ST3GAL1: variants seen among roughly 807,000 people sequenced by gnomAD.
ST3GAL1 encodes the protein CMP-N-acetylneuraminate-beta-galactosamide-alpha-2,3-sialyltransferase 1.
In ST3GAL1, 16 loss-of-function variants were observed where a neutral mutation model predicts 34.1. That is an observed-to-expected ratio of 0.47 (90% CI 0.32 to 0.71). The LOEUF (loss-of-function observed/expected upper bound fraction) is 0.71. ST3GAL1 is among the 30% of genes least tolerant of loss of function. The pLI is 0.04. For synonymous variants in ST3GAL1, 191 were observed against 184.7 expected (o/e 1.03, Z -0.28); for missense variants, 353 against 447.4 (o/e 0.79, Z 1.90).
At chr8:133,486,519 G>C (rs142452481) in intron 3 of ST3GAL1, among the ~76,000 whole-genome samples, 189 of 152,358 alleles carry the variant, frequency 1.2e-3, no homozygotes, top group African/African-American at 4.3e-3. Flanking sequence ...CAGCCGTGAG[G>C]GGAGCCAGAC....
At chr8:133,487,986 A>C (rs1586609285) in intron 3 of ST3GAL1, 1 of 147,654 alleles carries the variant, frequency 6.8e-6, no homozygotes, top group Admixed American at 6.7e-5. Context: ...AAAAGGAGAG[A>C]GAAAGTAGAA....
At chr8:133,493,864 G>A (rs6471127) in intron 3 of ST3GAL1, among the ~76,000 whole-genome samples, 62,203 of 119,134 alleles carry the variant, frequency 0.52, 14,116 homozygotes, top group South Asian at 0.65. Context: ...AAAAAAAAAA[G>A]AGAGAGAGAG....
intron 1 of ST3GAL1, among the ~76,000 whole-genome samples, chr8:133,560,716 G>C (rs72720289): frequency 0.042 from 6,431 of 152,298 alleles, 199 homozygotes; most frequent in Non-Finnish European, 0.066. Flanking sequence ...CAGGGATATA[G>C]GATGACTTGG....
At chr8:133,540,638 T>A (rs1021127953) in intron 2 of ST3GAL1, among the ~76,000 whole-genome samples, 1 of 151,082 alleles carries the variant, frequency 6.6e-6, no homozygotes, top group Non-Finnish European at 1.5e-5. Context: ...GAGACACTCC[T>A]TGACCACCAC....
At chr8:133,483,944 A>G (rs1017792611) in intron 3 of ST3GAL1, among the ~76,000 whole-genome samples, 1 of 152,126 alleles carries the variant, frequency 6.6e-6, no homozygotes, top group Non-Finnish European at 1.5e-5. Flanking sequence ...TTTCCCACAC[A>G]CTTGGAAACG....
chr8:133,513,251 CT>C (rs750571460), intron 2 of ST3GAL1, among the ~76,000 whole-genome samples: 7 of 152,188 alleles, frequency 4.6e-5, no homozygotes, highest in Non-Finnish European at 1.0e-4. Context: ...GACTTTGCCC[CT>C]GTCTGCAGCA....
At chr8:133,546,145 C>T (rs1053810201) in intron 1 of ST3GAL1, among the ~76,000 whole-genome samples, 2 of 152,152 alleles carry the variant, frequency 1.3e-5, no homozygotes, top group African/African-American at 4.8e-5. Context: ...AACTCCTCTC[C>T]GCAGGGAGTT....
At chr8:133,502,946 G>A (rs896837877) in intron 2 of ST3GAL1, among the ~76,000 whole-genome samples, 4 of 152,212 alleles carry the variant, frequency 2.6e-5, no homozygotes, top group African/African-American at 7.2e-5. Context: ...GACAGAGTGT[G>A]TGCAGTTCTG....
At chr8:133,544,251 C>A (rs1159418298) in intron 2 of ST3GAL1, among the ~76,000 whole-genome samples, 1 of 152,136 alleles carries the variant, frequency 6.6e-6, no homozygotes, top group Non-Finnish European at 1.5e-5. Context: ...CTTGTTATTC[C>A]CACTTGCACT....
chr8:133,516,538 C>G (rs1475522938), intron 2 of ST3GAL1, among the ~76,000 whole-genome samples: 15 of 152,192 alleles, frequency 9.9e-5, no homozygotes, highest in Admixed American at 9.8e-4. Context: ...CTGGCTCCCT[C>G]CTATCATTCC....
chr8:133,539,598 A>G (rs1818408248), intron 2 of ST3GAL1: 1 of 152,222 alleles, frequency 6.6e-6, no homozygotes, highest in South Asian at 2.1e-4. Flanking sequence ...TTTTTCTCCC[A>G]TTAAATTATT....
chr8:133,550,907 C>G (rs1818818767), intron 1 of ST3GAL1, among the ~76,000 whole-genome samples: 1 of 152,126 alleles, frequency 6.6e-6, no homozygotes, highest in Non-Finnish European at 1.5e-5. Context: ...AATTTTGTGT[C>G]TTCTTGAAGT....
At chr8:133,548,600 G>A (rs1021769033) in intron 1 of ST3GAL1, among the ~76,000 whole-genome samples, 4 of 152,334 alleles carry the variant, frequency 2.6e-5, no homozygotes, top group African/African-American at 7.2e-5. Context: ...AAACAATACA[G>A]GTACCACACT....
At chr8:133,557,859 C>T (rs979495012) in intron 1 of ST3GAL1, among the ~76,000 whole-genome samples, 1 of 143,586 alleles carries the variant, frequency 7.0e-6, no homozygotes, top group South Asian at 2.3e-4. Flanking sequence ...GAGCTGAGAT[C>T]ATGCCACTGC....
At chr8:133,528,775 G>A (rs1818051021) in intron 2 of ST3GAL1, among the ~76,000 whole-genome samples, 1 of 152,212 alleles carries the variant, frequency 6.6e-6, no homozygotes, top group Admixed American at 6.5e-5. Context: ...TGCTGCCCCT[G>A]GAGCTAGGGT....
intron 1 of ST3GAL1, among the ~76,000 whole-genome samples, chr8:133,557,018 A>T (rs1407340523): frequency 6.6e-6 from 1 of 152,022 alleles, no homozygotes; most frequent in East Asian, 1.9e-4. Context: ...CCCCAACCTG[A>T]CCCTCCCAAC....
At chr8:133,559,016 A>C (rs1819138659) in intron 1 of ST3GAL1, among the ~76,000 whole-genome samples, 1 of 142,216 alleles carries the variant, frequency 7.0e-6, no homozygotes, top group African/African-American at 2.7e-5. Context: ...ATGTGGTCCC[A>C]GGGCGATAGA....
At chr8:133,535,112 G>A (rs777225948) in intron 2 of ST3GAL1, among the ~76,000 whole-genome samples, 24 of 152,196 alleles carry the variant, frequency 1.6e-4, no homozygotes, top group African/African-American at 5.3e-4. Context: ...CAACGCTAAA[G>A]CTGAGGGCTC....
chr8:133,471,891 CAG>C (rs1815976168), intron 5 of ST3GAL1, among the ~76,000 whole-genome samples: 1 of 151,722 alleles, frequency 6.6e-6, no homozygotes, highest in Admixed American at 6.6e-5. Context: ...GGGCGGAAAT[CAG>C]GGGAGGGTCG....
Sources: allele counts gnomAD v4.1 joint callset (sites outside exome capture counted in the v4.1 genomes callset), GRCh38; gene constraint gnomAD v4.1.1; transcripts MANE v1.5; gene names NCBI Gene and HGNC (gene_info 2026-07-23, HGNC 2026-07-21).